The following RBFOX3 variants were observed in gnomAD, a reference collection of about 807,000 sequenced individuals.
RBFOX3 encodes RNA binding fox-1 homolog 3.
RBFOX3 carries 17 observed loss-of-function variants against 48.7 expected under a neutral mutation model. The ratio of observed to expected loss-of-function variants is 0.35; its 90% confidence interval spans 0.24 to 0.52. The LOEUF is 0.52. Ranked by LOEUF, RBFOX3 falls within the 20% of genes least tolerant of loss-of-function variation. The pLI is 0.94. For missense variants in RBFOX3, 382 were observed against 497.5 expected, an observed-to-expected ratio of 0.77 and a Z score of 2.21; for synonymous variants, 212 against 209.5, an observed-to-expected ratio of 1.01 and a Z score of -0.10.
chr17:79,396,979 C>T (rs563273375), intron 2 of RBFOX3, among the ~76,000 whole-genome samples: 1 of 152,326 alleles, frequency 6.6e-6, no homozygotes, highest in Admixed American at 6.5e-5. Flanking sequence ...GGAACGCGCA[C>T]CAGGCTAAGC....
chr17:79,185,926 G>A (rs1449984878), intron 4 of RBFOX3, among the ~76,000 whole-genome samples: 2 of 152,368 alleles, frequency 1.3e-5, no homozygotes, highest in South Asian at 2.1e-4. Flanking sequence ...AACCAAGCTT[G>A]TAAACGAAGA....
intron 1 of RBFOX3, among the ~76,000 whole-genome samples, chr17:79,588,110 G>A (rs2093310615): frequency 2.0e-5 from 3 of 152,184 alleles, no homozygotes; most frequent in Non-Finnish European, 2.9e-5. Context: ...TGGGATTGCA[G>A]TCATGAGCCA....
rs987315328 is a variant in RBFOX3 at position 79,564,368 on chromosome 17, A to C, written c.-320+46458T>G. Among the ~76,000 whole-genome samples the C allele has an allele frequency of 5.8e-4, 88 of 152,286 alleles. 3 individuals carry two copies. In the South Asian group the frequency reaches 0.018, roughly 31 times the overall value. Reference sequence around the variant, plus strand: ...GCTGGTGTAGTGGGAACCTGCCTGAAGGGGCAACATTCTCACCTATTACCT... The same window carrying C: ...GCTGGTGTAGTGGGAACCTGCCTGACGGGGCAACATTCTCACCTATTACCT... On this transcript the variant is annotated intron_variant, in intron 1 of 14. Coordinates refer to ENST00000693108, the MANE Select transcript of RBFOX3 (RefSeq NM_001350451.2).
chr17:79,589,332 C>T (rs1469279794), intron 1 of RBFOX3, among the ~76,000 whole-genome samples: 4 of 152,146 alleles, frequency 2.6e-5, no homozygotes, highest in South Asian at 2.1e-4. Context: ...CCTGAGTGTC[C>T]GTGGCCTGTG....
intron 2 of RBFOX3, among the ~76,000 whole-genome samples, chr17:79,446,341 C>A (rs1877682): frequency 0.57 from 87,236 of 151,978 alleles, 25,564 homozygotes; most frequent in Non-Finnish European, 0.63. Context: ...GGCAGCAATG[C>A]GGCAGACCCC....
Position 79,198,693 on chromosome 17 carries a change from T to G in RBFOX3, c.-34+37073A>C, listed in dbSNP as rs2056199751. Among the ~76,000 whole-genome samples, 1 of 152,030 alleles carries G rather than the reference T, an allele frequency of 6.6e-6. No homozygotes were observed. The highest frequency in any genetic ancestry group is 1.5e-5 in the Non-Finnish European group (1 of 68,014). On this transcript the variant is annotated intron_variant, in intron 4 of 14. Coordinates refer to ENST00000693108, the MANE Select transcript of RBFOX3 (RefSeq NM_001350451.2). This position sits in a 1 kb window ranked among gnomAD's most constrained non-coding sequence, Gnocchi z 8.2. ...CAAGCTGGAGTGCAGTGGCATGATC[T>G]AGGCTCGTTGCAACCTCCACCTTCC...
At chr17:79,613,940 C>T (rs2145594542), upstream of RBFOX3, among the ~76,000 whole-genome samples, 1 of 152,224 alleles carries the variant, frequency 6.6e-6, no homozygotes, top group South Asian at 2.1e-4. Flanking sequence ...CGCCACTGTA[C>T]TACTCCAGCC....
chr17:79,177,801 C>T (rs112876604), intron 4 of RBFOX3, among the ~76,000 whole-genome samples: 6,622 of 152,262 alleles, frequency 0.043, 171 homozygotes, highest in African/African-American at 0.05. Flanking sequence ...GGTTTTGCAG[C>T]CTCTTTAAGG....
chr17:79,408,368 G>A (rs2063828250), intron 2 of RBFOX3, among the ~76,000 whole-genome samples: 1 of 152,194 alleles, frequency 6.6e-6, no homozygotes, highest in Non-Finnish European at 1.5e-5. Context: ...ATGAGGAGGT[G>A]AGTCCACGGG....
intron 6 of RBFOX3, 43 bp downstream of exon 6, chr17:79,106,608 G>C: frequency 7.1e-7 from 1 of 1,414,400 alleles, no homozygotes; most frequent in Non-Finnish European, 9.2e-7. Flanking sequence ...CTGGAGCTGG[G>C]GCAGGTGTGG....
intron 1 of RBFOX3, among the ~76,000 whole-genome samples, chr17:79,542,711 C>T (rs538263425): frequency 7.2e-5 from 11 of 152,216 alleles, no homozygotes; most frequent in East Asian, 1.9e-4. Context: ...TGAACCCAGG[C>T]GGCGGAGGCT....
chr17:79,629,025 C>A, the RBFOX3 span, among the ~76,000 whole-genome samples: 1 of 152,190 alleles, frequency 6.6e-6, no homozygotes, highest in South Asian at 2.1e-4. Flanking sequence ...ATTGATTCAA[C>A]AACTATTCTT....
chr17:79,185,275 G>A (rs2053168306), intron 4 of RBFOX3, among the ~76,000 whole-genome samples: 1 of 152,212 alleles, frequency 6.6e-6, no homozygotes, highest in South Asian at 2.1e-4. Flanking sequence ...AAGGATAGGG[G>A]GCTGGTCTGT....
At chr17:79,499,614 G>T (rs936734680) in intron 1 of RBFOX3, among the ~76,000 whole-genome samples, 134 of 152,324 alleles carry the variant, frequency 8.8e-4, no homozygotes, top group African/African-American at 3.2e-3. Flanking sequence ...GATAATCCTG[G>T]ATCAAAATCC....
chr17:79,531,793 G>T (rs1357768451), intron 1 of RBFOX3, among the ~76,000 whole-genome samples: 11 of 152,338 alleles, frequency 7.2e-5, no homozygotes, highest in Middle Eastern at 3.4e-3. Flanking sequence ...AACCCAGATG[G>T]ATTCCTGAAA....
rs977629188 is a variant in RBFOX3, at chr17:79,520,625, C to T, written c.-319-38027G>A. On this transcript the variant is annotated intron_variant, in intron 1 of 14. Coordinates refer to ENST00000693108, the MANE Select transcript of RBFOX3 (RefSeq NM_001350451.2). ...GAGGCCTAGAAGTGATTAATGTCCT[C>T]GGCCACCTGAGCCTGACATCTCGGC... Among the ~76,000 whole-genome samples, 337 of 152,370 alleles carry T rather than the reference C, an allele frequency of 2.2e-3. 2 individuals carry two copies. Among genetic ancestry groups the T allele is most frequent in the African/African-American group, 7.8e-3 (323 of 41,590 alleles).
At chr17:79,128,626 G>C (rs1037266756) in intron 4 of RBFOX3, among the ~76,000 whole-genome samples, 1 of 152,306 alleles carries the variant, frequency 6.6e-6, no homozygotes, top group Non-Finnish European at 1.5e-5. Flanking sequence ...CCGGATGAGA[G>C]CAGAGGCCCC....
chr17:79,600,604 C>T (rs996582019), intron 1 of RBFOX3: 26 of 152,312 alleles, frequency 1.7e-4, no homozygotes, highest in African/African-American at 5.8e-4. Flanking sequence ...GGTCTTCAGG[C>T]TCTGACTCTG....
upstream of RBFOX3, among the ~76,000 whole-genome samples, chr17:79,611,187 C>CGCTCTCCGCCCTCCT (rs2093965777): frequency 8.6e-5 from 9 of 104,828 alleles, no homozygotes; most frequent in Non-Finnish European, 1.6e-4. Flanking sequence ...CCCTCCTTCT[C>CGCTCTCCGCCCTCCT]TCTCTCTCTC....
Sources: allele counts gnomAD v4.1 joint callset (sites outside exome capture counted in the v4.1 genomes callset), GRCh38; gene constraint gnomAD v4.1.1; non-coding constraint Gnocchi (gnomAD v3.1); transcripts MANE v1.5; gene names NCBI Gene and HGNC (gene_info 2026-07-23, HGNC 2026-07-21).